Variants in SELENOI observed in about 807,000 individuals in gnomAD.
SELENOI encodes selenoprotein I.
A neutral mutation model predicts 50.7 loss-of-function variants in SELENOI; 24 were observed. The observed-to-expected ratio is 0.47, with a 90% confidence interval of 0.34 to 0.67. The LOEUF (loss-of-function observed/expected upper bound fraction) is 0.67, where lower values mean the gene tolerates loss of function less well. Among genes scored for constraint, SELENOI ranks in the 30% least tolerant of loss-of-function variants. The pLI, the probability that SELENOI is intolerant of heterozygous loss-of-function variation, is 0.01. For synonymous variants in SELENOI, 155 were observed against 170.2 expected, an observed-to-expected ratio of 0.91 and a Z score of 0.70; for missense variants, 352 against 461.4, an observed-to-expected ratio of 0.76 and a Z score of 2.17.
chr2:26,363,887 T>TG (rs1574754009), intron 1 of SELENOI, among the ~76,000 whole-genome samples: 1 of 152,136 alleles, frequency 6.6e-6, no homozygotes, highest in East Asian at 1.9e-4. Context: ...ATTACAGGCG[T>TG]GTGCCACCAT....
intron 1 of SELENOI, among the ~76,000 whole-genome samples, chr2:26,348,071 T>TG (rs1676846711): frequency 6.6e-6 from 1 of 152,238 alleles, no homozygotes; most frequent in South Asian, 2.1e-4. Context: ...ATTCTTCTAT[T>TG]GCAATTACTC....
At chr2:26,376,387 C>G (rs1038237150) in intron 6 of SELENOI, among the ~76,000 whole-genome samples, 1 of 152,174 alleles carries the variant, frequency 6.6e-6, no homozygotes, top group Non-Finnish European at 1.5e-5. Flanking sequence ...TTTTGATTGT[C>G]CCATGGCAGG....
chr2:26,392,987 G>A lies in SELENOI; in HGVS notation c.*3884G>A, dbSNP rs1678004447. 1 of 152,546 alleles carries A rather than the reference G, an allele frequency of 6.6e-6. No homozygotes were observed. The highest frequency in any genetic ancestry group is 1.5e-5 in the Non-Finnish European group (1 of 68,032). The allele number at this position is 152,546 out of a possible 1,614,324, so 9.4% of individuals were successfully genotyped here. A position where few individuals can be genotyped will look rare whatever the true frequency, so the allele number is the denominator to read the frequency against. On this transcript the variant is annotated 3_prime_UTR_variant, in exon 10 of 10. Coordinates refer to ENST00000260585, the MANE Select transcript of SELENOI (RefSeq NM_033505.4). ...AAGCACTCTGACATGTACATTTAAAGTGACAGTTTTAAAAGTAAAATGGTG... is the reference window on the plus strand; with the variant it reads ...AAGCACTCTGACATGTACATTTAAAATGACAGTTTTAAAAGTAAAATGGTG...
At chr2:26,350,592 G>C (rs938500174) in intron 1 of SELENOI, among the ~76,000 whole-genome samples, 1 of 152,168 alleles carries the variant, frequency 6.6e-6, no homozygotes, top group African/African-American at 2.4e-5. Context: ...TAGCATTTGG[G>C]CTGCAAAATT....
At chr2:26,364,223 T>A in intron 1 of SELENOI, 79 bp from the exon 2 acceptor site, 1 of 1,077,748 alleles carries the variant, frequency 9.3e-7, no homozygotes, top group Middle Eastern at 2.0e-4. Flanking sequence ...GCTTTACTAT[T>A]ATTTTCACCT....
rs537169298 is a variant in SELENOI at position 26,393,293 on chromosome 2, G to A, written c.*4190G>A. The A allele has an allele frequency of 1.3e-5, 2 of 152,752 alleles. No individual in the cohort carries two copies. Among genetic ancestry groups the A allele is most frequent in the African/African-American group, 4.8e-5 (2 of 41,572 alleles). 9.5% of individuals were successfully genotyped at this position (152,752 alleles called of 1,614,324 possible). On this transcript the variant is annotated 3_prime_UTR_variant, in exon 10 of 10. Coordinates refer to ENST00000260585, the MANE Select transcript of SELENOI (RefSeq NM_033505.4). ...GCTCTTCATTTCCAGTGTTTCTACA[G>A]TGCAGAATAAATGTAACTTTTTAAG...
intron 4 of SELENOI, among the ~76,000 whole-genome samples, chr2:26,371,300 G>T (rs1181801787): frequency 2.6e-5 from 4 of 151,398 alleles, no homozygotes; most frequent in African/African-American, 4.9e-5. Flanking sequence ...TCCCAGACGG[G>T]GTGGCGGCCG....
intron 1 of SELENOI, among the ~76,000 whole-genome samples, chr2:26,349,602 A>G (rs866673532): frequency 1.9e-4 from 29 of 149,684 alleles, no homozygotes; most frequent in African/African-American, 7.1e-4. Flanking sequence ...CACCGTGCCC[A>G]GCCCTTGGAC....
At chr2:26,370,731 G>A (rs113760435) in intron 4 of SELENOI, among the ~76,000 whole-genome samples, 103 of 138,832 alleles carry the variant, frequency 7.4e-4, no homozygotes, top group African/African-American at 2.7e-3. Context: ...GCGGCTGGCC[G>A]GGCGGGGGGC....
chr2:26,347,132 T>C (rs528262587), intron 1 of SELENOI, among the ~76,000 whole-genome samples: 1 of 152,180 alleles, frequency 6.6e-6, no homozygotes, highest in Non-Finnish European at 1.5e-5. Context: ...AAGCCTGAAA[T>C]ATGGGCTTTA....
In SELENOI at chr2:26,367,198, C is replaced by A; in HGVS notation, c.288C>A (p.Leu96=). 1 of 1,610,316 alleles carries A rather than the reference C, an allele frequency of 6.2e-7. No homozygotes were observed. Among genetic ancestry groups the A allele is most frequent in the South Asian group, 1.1e-5 (1 of 90,062 alleles). The change falls in exon 4 of 10, where the codon CTC becomes CTA. Residue 96 remains leucine (L), a synonymous_variant. Transcript: ENST00000260585. ...GGGTTTGGATTGTAGTGGGCATCCT[C>A]AACTTCGTAGCCTACACTCTAGGTA... ...PDWVWIVVGI[L]NFVAYTLDGV...
intron 6 of SELENOI, among the ~76,000 whole-genome samples, chr2:26,380,425 C>A (rs1677663061): frequency 6.6e-6 from 1 of 152,034 alleles, no homozygotes; most frequent in African/African-American, 2.4e-5. Context: ...ATTGTATATC[C>A]CAGCGATCAC....
chr2:26,363,848 C>T (rs943503772), intron 1 of SELENOI, among the ~76,000 whole-genome samples: 2 of 152,080 alleles, frequency 1.3e-5, no homozygotes, highest in Admixed American at 1.3e-4. Context: ...CTCACTGCAA[C>T]CTTTGCCTCA....
In SELENOI at chr2:26,370,861, C is replaced by T. The variant is rs1477302900; in HGVS notation, c.311-2506C>T. 1.6e-3 allele frequency among the ~76,000 whole-genome samples: 216 copies of T among 132,688 alleles called. 2 individuals carry two copies. The highest frequency in any genetic ancestry group is 5.1e-3 in the Middle Eastern group (1 of 198). 87.0% of individuals were successfully genotyped at this position (132,688 alleles called of 152,430 possible). The stretch of plus-strand genomic sequence containing the variant: ...ACCCCCACCTCCCTCCCGGACGGGG[C>T]GGCTGGCCAGGCGGGGGGCTGACAC... On this transcript the variant is annotated intron_variant, in intron 4 of 9. Transcript: ENST00000260585.
chr2:26,366,360 A>G (rs1229279790), intron 3 of SELENOI, among the ~76,000 whole-genome samples: 1 of 152,138 alleles, frequency 6.6e-6, no homozygotes, highest in Non-Finnish European at 1.5e-5. Context: ...TCCTCAGGAC[A>G]CCCTAAAGAA....
At chr2:26,351,951 G>A (rs967523000) in intron 1 of SELENOI, among the ~76,000 whole-genome samples, 14 of 152,144 alleles carry the variant, frequency 9.2e-5, no homozygotes, top group Non-Finnish European at 2.9e-5. Flanking sequence ...AGACCAGCTG[G>A]GACAATATGG....
intron 6 of SELENOI, among the ~76,000 whole-genome samples, 194 bp downstream of exon 6, chr2:26,375,342 C>G (rs1677544995): frequency 6.6e-6 from 1 of 152,072 alleles, no homozygotes; most frequent in Non-Finnish European, 1.5e-5. Flanking sequence ...TTTTTTTGTT[C>G]AGCATCAGCT....
At chr2:26,383,159 T>C (rs1677743590) in intron 6 of SELENOI, 140 bp from the exon 7 acceptor site, 4 of 532,610 alleles carry the variant, frequency 7.5e-6, no homozygotes, top group Admixed American at 3.7e-5. Flanking sequence ...ATGTTGTTTA[T>C]AAATGTATTT....
chr2:26,389,046 A>G lies in SELENOI; in HGVS notation c.1137A>G (p.Ser379=). 1 of 1,590,564 alleles carries G rather than the reference A, an allele frequency of 6.3e-7. No homozygotes were observed. The highest frequency in any genetic ancestry group is 1.8e-5 in the Admixed American group (1 of 56,740). Residue 379 remains serine, a synonymous_variant, in exon 10 of 10, where the codon TCA becomes TCG. Coordinates refer to ENST00000260585, the MANE Select transcript of SELENOI (RefSeq NM_033505.4). The part of the protein sequence containing the change: ...LSSHFQIYPF[S]LRKPNSDULG... ...GCCATTTTCAGATTTACCCCTTCTC[A>G]TTGAGGAAACCAAACTCAGATTGAC...
Sources: allele counts gnomAD v4.1 joint callset (sites outside exome capture counted in the v4.1 genomes callset), GRCh38; gene constraint gnomAD v4.1.1; transcripts MANE v1.5; gene names NCBI Gene and HGNC (gene_info 2026-07-23, HGNC 2026-07-21).